Variants in FNDC7 observed in about 807,000 individuals in gnomAD.
FNDC7 encodes the protein fibronectin type III domain-containing protein 7.
A neutral mutation model predicts 74.2 loss-of-function variants in FNDC7; 66 were observed. The ratio of observed to expected loss-of-function variants is 0.89; its 90% CI spans 0.73 to 1.09. The LOEUF (loss-of-function observed/expected upper bound fraction) is 1.09, where lower values mean the gene tolerates loss of function less well. Among genes scored for constraint, FNDC7 ranks in the 50% least tolerant of loss-of-function variants. The pLI, the probability that FNDC7 is intolerant of heterozygous loss-of-function variation, is 0.00. For synonymous variants in FNDC7, 307 were observed against 330.2 expected, an observed-to-expected ratio of 0.93 and a Z score of 0.76; for missense variants, 829 against 893.4, an observed-to-expected ratio of 0.93 and a Z score of 0.92.
Position 108,728,859 on chromosome 1 carries a change from C to G in FNDC7, c.1597C>G (p.Pro533Ala). ...VAETQAGRSL[P>A]SYSVPLETVP... ...CGAAACACAGGCAGGACGGAGCCTG[C>G]CCAGCTACAGTGTGCCCCTGGAAAC... The change falls in exon 8 of 13, where the codon CCC (proline) becomes GCC (alanine). Residue 533 changes from proline (P) to alanine (A), a missense_variant. Pro to Ala is a conservative substitution (Grantham distance 27). Coordinates refer to ENST00000370017, the MANE Select transcript of FNDC7 (RefSeq NM_001144937.3). The G allele has an allele frequency of 6.2e-7, 1 of 1,614,172 alleles. No individual in the cohort carries two copies. Among genetic ancestry groups the G allele is most frequent in the Non-Finnish European group, 8.5e-7 (1 of 1,180,028 alleles).
At position 108,718,997 on chromosome 1, in the gene FNDC7, A is replaced by G. The variant is rs1661036769; in HGVS notation, c.546A>G (p.Ala182=). The part of the protein sequence containing the change: ...AGTLYTIKAY[A]WNANRIPGDD... The stretch of plus-strand genomic sequence containing the variant: ...CTCTCTACACCATAAAGGCCTATGC[A>G]TGGAATGCCAACAGAATCCCTGGGG... The change falls in exon 4 of 13, where the codon GCA becomes GCG. Residue 182 remains alanine (A), a synonymous_variant. Coordinates refer to ENST00000370017, the MANE Select transcript of FNDC7 (RefSeq NM_001144937.3). 2 of 1,552,186 alleles carry G rather than the reference A, an allele frequency of 1.3e-6. No individual in the cohort carries two copies. The highest frequency in any genetic ancestry group is 1.7e-6 in the Non-Finnish European group (2 of 1,147,102).
intron 2 of FNDC7, among the ~76,000 whole-genome samples, chr1:108,713,948 A>C (rs1274070781): frequency 2.0e-5 from 3 of 152,244 alleles, no homozygotes; most frequent in Non-Finnish European, 4.4e-5. Flanking sequence ...TTAAATTGTC[A>C]ATATTCCCTA....
At chr1:108,729,621 GGC>G (rs1280899328) in intron 8 of FNDC7, among the ~76,000 whole-genome samples, 2 of 152,300 alleles carry the variant, frequency 1.3e-5, no homozygotes, top group East Asian at 3.9e-4. Flanking sequence ...CTCATAGGGT[GGC>G]TATGAGTATT....
At chr1:108,716,856 G>T (rs1419198886) in intron 2 of FNDC7, among the ~76,000 whole-genome samples, 5 of 151,976 alleles carry the variant, frequency 3.3e-5, no homozygotes, top group Non-Finnish European at 7.4e-5. Flanking sequence ...AAACCTGAAA[G>T]TCCAAGTGCC....
chr1:108,730,953 A>G (rs1661332295), intron 9 of FNDC7, 25 bp downstream of exon 9: 1 of 1,585,570 alleles, frequency 6.3e-7, no homozygotes, highest in African/African-American at 1.3e-5. Context: ...GCTCTAGAGT[A>G]GCAGTAAGGA....
rs1287427982 is a variant in FNDC7, at chr1:108,712,961, C to A, written c.28C>A (p.Pro10Thr). 6.4e-7 allele frequency: 1 copy of A among 1,551,562 alleles called. No individual in the cohort carries two copies. Among genetic ancestry groups the A allele is most frequent in the Admixed American group, 2.0e-5 (1 of 50,984 alleles). Reference protein sequence around the residue: MAGGRETCLPLIGFILICLK... With the variant: MAGGRETCLTLIGFILICLK... Reference sequence around the variant, plus strand: ...GGCTGGTGGACGAGAGACATGTTTGCCTTTGATTGGATTCATTCTTATCTG... The same window carrying A: ...GGCTGGTGGACGAGAGACATGTTTGACTTTGATTGGATTCATTCTTATCTG... The change falls in exon 1 of 13, where the codon CCT becomes ACT. Residue 10 changes from proline to threonine, a missense_variant. Pro to Thr is a conservative substitution (Grantham distance 38). Coordinates refer to ENST00000370017, the MANE Select transcript of FNDC7 (RefSeq NM_001144937.3).
intron 11 of FNDC7, among the ~76,000 whole-genome samples, chr1:108,740,925 A>T (rs1230573492): frequency 6.6e-6 from 1 of 152,238 alleles, no homozygotes; most frequent in African/African-American, 2.4e-5. Context: ...TAACGAAGAC[A>T]TTTGCATTTT....
chr1:108,728,921 A>C (rs1241454679), intron 8 of FNDC7, 35 bp downstream of exon 8: 1 of 1,604,766 alleles, frequency 6.2e-7, no homozygotes, highest in Non-Finnish European at 8.5e-7. Context: ...TGTTGACTTC[A>C]GTGGGGTCCT....
intron 1 of FNDC7, among the ~76,000 whole-genome samples, chr1:108,713,231 G>A (rs1467924146): frequency 6.6e-6 from 1 of 152,140 alleles, no homozygotes; most frequent in Non-Finnish European, 1.5e-5. Flanking sequence ...AAATCTGTCA[G>A]CAGCTACTGA....
intron 11 of FNDC7, among the ~76,000 whole-genome samples, chr1:108,739,636 A>G (rs1661592121): frequency 6.6e-6 from 1 of 152,170 alleles, no homozygotes; most frequent in African/African-American, 2.4e-5. Flanking sequence ...TCTGCTGTGT[A>G]TTAGAATCTC....
Position 108,730,682 on chromosome 1 carries a change from T to A in FNDC7, c.1633T>A (p.Cys545Ser). ...YSVPLETVPCCPTGLTVTQIT... is the reference protein window; with the variant it reads ...YSVPLETVPCSPTGLTVTQIT... Reference sequence around the variant, plus strand: ...CTTTTATCCCATTTAAGTGCCATGCTGTCCAACCGGTCTGACAGTAACTCA... The same window carrying A: ...CTTTTATCCCATTTAAGTGCCATGCAGTCCAACCGGTCTGACAGTAACTCA... The change falls in exon 9 of 13, where the codon TGT (cysteine) becomes AGT (serine). Residue 545 changes from cysteine to serine, a missense_variant. Transcript: ENST00000370017. 1 of 1,555,510 alleles carries A rather than the reference T, an allele frequency of 6.4e-7. No homozygotes were observed. Among genetic ancestry groups the A allele is most frequent in the East Asian group, 2.3e-5 (1 of 42,566 alleles).
In FNDC7 at chr1:108,733,327, G is replaced by A. The variant is rs1334361012; in HGVS notation, c.1935G>A (p.Arg645=). ...KLYRLGPNGI[R]IYWQASRGSA... ...ATAGGCTGGGCCCTAATGGCATCCG[G>A]ATCTACTGGCAAGCCTCCAGGGGCT... is the stretch of plus-strand genomic sequence containing the variant. Residue 645 remains arginine, a synonymous_variant, in exon 10 of 13, where the codon CGG becomes CGA. Coordinates refer to ENST00000370017, the MANE Select transcript of FNDC7 (RefSeq NM_001144937.3). 13 of 1,614,120 alleles carry A rather than the reference G, an allele frequency of 8.1e-6. No homozygotes were observed. The highest frequency in any genetic ancestry group is 1.6e-4 in the Middle Eastern group (1 of 6,062).
At position 108,736,963 on chromosome 1, in the gene FNDC7, C is replaced by CTTTTTTTTTTT. The variant is rs1173562405; in HGVS notation, c.2141-520_2141-510dup. 1.3e-4 allele frequency among the ~76,000 whole-genome samples: 13 copies of CTTTTTTTTTTT among 99,418 alleles called. 1 individual carries two copies. The highest frequency in any genetic ancestry group is 1.9e-4 in the Non-Finnish European group (10 of 52,500). The allele number at this position is 99,418 out of a possible 152,430, so 65.2% of individuals were successfully genotyped here. A position where few individuals can be genotyped will look rare whatever the true frequency, so the allele number is the denominator to read the frequency against. Reference sequence around the variant, plus strand: ...ACAACAAACCTATCAGCTTGGCATTCTTTTTTTTTTTTTTTTTTTTTTGAG... The same window carrying CTTTTTTTTTTT: ...ACAACAAACCTATCAGCTTGGCATTCTTTTTTTTTTTTTTTTTTTTTTTTTTTTTTTTTGAG... On this transcript the variant is annotated intron_variant, in intron 10 of 12. Coordinates refer to ENST00000370017, the MANE Select transcript of FNDC7 (RefSeq NM_001144937.3).
intron 2 of FNDC7, 126 bp downstream of exon 2, chr1:108,713,655 T>C: frequency 1.4e-5 from 11 of 765,350 alleles, no homozygotes; most frequent in Non-Finnish European, 2.1e-5. Context: ...TTCTGAGCAC[T>C]CACACTGGGT....
intron 9 of FNDC7, 82 bp from the exon 10 acceptor site, chr1:108,733,190 T>C: frequency 6.5e-7 from 1 of 1,533,820 alleles, no homozygotes; most frequent in Non-Finnish European, 8.9e-7. Flanking sequence ...GCTTATATTT[T>C]TTCCCTGCAG....
In FNDC7 at chr1:108,733,439, G is replaced by A. The variant is rs1661440415; in HGVS notation, c.2047G>A (p.Glu683Lys). The change falls in exon 10 of 13, where the codon GAG becomes AAG. Residue 683 changes from glutamate (E) to lysine (K), a missense_variant. By Grantham distance (56) the Glu-to-Lys change is moderately conservative. Transcript: ENST00000370017. ...TGGCCTCAGTTTCTGTGATGTCACT[G>A]AGATACCCTGTGGGGATGTATACAC... is the stretch of plus-strand genomic sequence containing the variant. ...SAGLSFCDVTEIPCGDVYTVM... is the reference protein window; with the variant it reads ...SAGLSFCDVTKIPCGDVYTVM... 2.5e-6 allele frequency: 4 copies of A among 1,614,100 alleles called. No homozygotes were observed. Among genetic ancestry groups the A allele is most frequent in the Non-Finnish European group, 3.4e-6 (4 of 1,180,028 alleles).
At chr1:108,735,162 C>T (rs895017540) in intron 10 of FNDC7, among the ~76,000 whole-genome samples, 1 of 152,186 alleles carries the variant, frequency 6.6e-6, no homozygotes, top group African/African-American at 2.4e-5. Flanking sequence ...CCCTCACCCT[C>T]CATATCTAAG....
intron 2 of FNDC7, 71 bp from the exon 3 acceptor site, chr1:108,717,706 A>G: frequency 3.4e-6 from 5 of 1,462,298 alleles, no homozygotes; most frequent in Non-Finnish European, 2.8e-6. Flanking sequence ...TTTAGCTTGA[A>G]GAGTAAAATG....
intron 5 of FNDC7, 116 bp from the exon 6 acceptor site, chr1:108,725,634 A>G: frequency 8.9e-7 from 1 of 1,129,496 alleles, no homozygotes. Flanking sequence ...ACCAAATTCA[A>G]TCTGTCACAA....
Sources: allele counts gnomAD v4.1 joint callset (sites outside exome capture counted in the v4.1 genomes callset), GRCh38; gene constraint gnomAD v4.1.1; transcripts MANE v1.5; gene names NCBI Gene and HGNC (gene_info 2026-07-23, HGNC 2026-07-21).